LOXL3: variants seen among roughly 807,000 people sequenced by gnomAD.
LOXL3 encodes the protein lysyl oxidase like 3, also known as lysyl oxidase homolog 3.
A neutral mutation model predicts 91.8 loss-of-function variants in LOXL3; 60 were observed. That is an observed-to-expected ratio of 0.65 (90% CI 0.53 to 0.81). LOXL3 has a LOEUF of 0.81. LOXL3 is among the 30% of genes least tolerant of loss of function. The pLI is 0.00. For synonymous variants in LOXL3, 355 were observed against 387.6 expected (o/e 0.92, Z 0.99); for missense variants, 874 against 1,000.4 (o/e 0.87, Z 1.70).
At position 74,534,385 on chromosome 2, in the gene LOXL3, G is replaced by A; in HGVS notation, c.1870C>T (p.Pro624Ser). Reference protein sequence around the residue: ...DIFTHYDILTPNGTKVAEGHK... With the variant: ...DIFTHYDILTSNGTKVAEGHK... Reference sequence around the variant, plus strand: ...CCCTCAGCCACCTTGGTGCCATTTGGGGTGAGGATATCATAGTGAGTGAAG... The same window carrying A: ...CCCTCAGCCACCTTGGTGCCATTTGAGGTGAGGATATCATAGTGAGTGAAG... The change falls in exon 11 of 14, where the codon CCA becomes TCA. Residue 624 changes from proline to serine, a missense_variant. Transcript: ENST00000264094. 6.2e-7 allele frequency: 1 copy of A among 1,614,234 alleles called. No homozygotes were observed. The highest frequency in any genetic ancestry group is 8.5e-7 in the Non-Finnish European group (1 of 1,180,040).
intron 1 of LOXL3, among the ~76,000 whole-genome samples, chr2:74,553,396 G>A (rs1331087223): frequency 3.9e-5 from 6 of 152,184 alleles, no homozygotes; most frequent in African/African-American, 7.2e-5. Context: ...GGCCCAGGAG[G>A]GCCAGGCCTC....
chr2:74,549,468 G>C lies in LOXL3; in HGVS notation c.593C>G (p.Ser198Trp). Residue 198 changes from serine (S) to tryptophan (W), a missense_variant, in exon 4 of 14, where the codon TCG (serine) becomes TGG (tryptophan). Ser to Trp is a radical substitution (Grantham distance 177). Coordinates refer to ENST00000264094, the MANE Select transcript of LOXL3 (RefSeq NM_032603.5). The surrounding 1 kb of genome is among the most constrained non-coding windows in gnomAD (Gnocchi z 5.3). Reference sequence around the variant, plus strand: ...GCTCCAGCCTTTGTCGCACACTTGCGACCAGCCGTCAGGAAGCCTGACTTC... The same window carrying C: ...GCTCCAGCCTTTGTCGCACACTTGCCACCAGCCGTCAGGAAGCCTGACTTC... ...LVEVRLPDGW[S>W]QVCDKGWSAH... 6.2e-7 allele frequency: 1 copy of C among 1,613,126 alleles called. No homozygotes were observed. Among genetic ancestry groups the C allele is most frequent in the Non-Finnish European group, 8.5e-7 (1 of 1,179,744 alleles).
chr2:74,536,856 G>A lies in LOXL3; in HGVS notation c.765C>T (p.Leu255=). ...GATAGAACTCCAGGGAACAGAGGGAGAGGTGGGCCTCCGTGCCCACGCACG... is the reference window on the plus strand; with the variant it reads ...GATAGAACTCCAGGGAACAGAGGGAAAGGTGGGCCTCCGTGCCCACGCACG... ...GVACVGTEAH[L]SLCSLEFYRA... is the part of the protein sequence containing the mutation. The change falls in exon 5 of 14, where the codon CTC becomes CTT. Residue 255 remains leucine, a synonymous_variant. Coordinates refer to ENST00000264094, the MANE Select transcript of LOXL3 (RefSeq NM_032603.5). This position sits in a 1 kb window ranked among gnomAD's most constrained non-coding sequence, Gnocchi z 4.5. The A allele has an allele frequency of 6.2e-7, 1 of 1,614,226 alleles. No homozygotes were observed. Among genetic ancestry groups the A allele is most frequent in the Non-Finnish European group, 8.5e-7 (1 of 1,180,034 alleles).
rs369058623 is a variant in LOXL3, at chr2:74,535,728, G to T, written c.1276C>A (p.His426Asn). Reference protein sequence around the residue: ...RIRLSGGRSQHEGRVEVQIGG... With the variant: ...RIRLSGGRSQNEGRVEVQIGG... ...ATTTGCACCTCGACTCGCCCCTCAT[G>T]TTGGCTGCGGCCCCCACTGAGTCGG... Residue 426 changes from histidine to asparagine, a missense_variant, in exon 8 of 14, where the codon CAT (histidine) becomes AAT (asparagine). Coordinates refer to ENST00000264094, the MANE Select transcript of LOXL3 (RefSeq NM_032603.5). The surrounding 1 kb of genome is among the most constrained non-coding windows in gnomAD (Gnocchi z 4.2). 4.1e-5 allele frequency: 65 copies of T among 1,590,112 alleles called. No homozygotes were observed. The highest frequency in any genetic ancestry group is 1.4e-5 in the African/African-American group (1 of 73,360).
chr2:74,554,552 G>C (rs1677255683), upstream of LOXL3: 1 of 585,330 alleles, frequency 1.7e-6, no homozygotes, highest in Non-Finnish European at 3.0e-6. This position sits in a 1 kb window ranked among gnomAD's most constrained non-coding sequence, Gnocchi z 4.9. Flanking sequence ...CGGCGGGTAG[G>C]GGCCTGGGGT....
intron 1 of LOXL3, chr2:74,552,856 C>A (rs140482525): frequency 5.8e-4 from 309 of 528,754 alleles, no homozygotes; most frequent in Non-Finnish European, 9.7e-4. Flanking sequence ...AGAGGCACAG[C>A]CTGAGAGACC....
intron 4 of LOXL3, among the ~76,000 whole-genome samples, chr2:74,546,078 A>T (rs146689005): frequency 6.6e-6 from 1 of 152,252 alleles, no homozygotes; most frequent in African/African-American, 2.4e-5. Flanking sequence ...AGAGAGCCTT[A>T]ACTCCTCTCT....
At chr2:74,555,527 C>T (rs76586348), upstream of LOXL3, 817 of 1,613,352 alleles carry the variant, frequency 5.1e-4, 6 homozygotes, top group African/African-American at 9.3e-3. The surrounding 1 kb of genome is among the most constrained non-coding windows in gnomAD (Gnocchi z 6.1). Flanking sequence ...GACCGACCCC[C>T]GCTCCCCGCT....
At chr2:74,540,605 GT>G (rs1639781697) in intron 4 of LOXL3, among the ~76,000 whole-genome samples, 1 of 151,792 alleles carries the variant, frequency 6.6e-6, no homozygotes, top group African/African-American at 2.4e-5. Flanking sequence ...ATATGCTGTG[GT>G]CATTCACAAA....
In LOXL3 at chr2:74,532,471, A is replaced by G; in HGVS notation, c.*1135T>C. ...ACATGTTGCACTTTATTGCTAGAAGACAGAAAGTGAGTTGCCATTGTATTT... is the reference window on the plus strand; with the variant it reads ...ACATGTTGCACTTTATTGCTAGAAGGCAGAAAGTGAGTTGCCATTGTATTT... On this transcript the variant is annotated 3_prime_UTR_variant, in exon 14 of 14. Transcript: ENST00000264094. 1 of 702,662 alleles carries G rather than the reference A, an allele frequency of 1.4e-6. No homozygotes were observed. The highest frequency in any genetic ancestry group is 2.6e-6 in the Non-Finnish European group (1 of 387,184). 43.5% of individuals were successfully genotyped at this position (702,662 alleles called of 1,614,324 possible). A position where few individuals can be genotyped will look rare whatever the true frequency, so the allele number is the denominator to read the frequency against.
chr2:74,554,572 C>G, upstream of LOXL3: 1 of 620,190 alleles, frequency 1.6e-6, no homozygotes, highest in Non-Finnish European at 2.8e-6. This position sits in a 1 kb window ranked among gnomAD's most constrained non-coding sequence, Gnocchi z 4.9. Context: ...TGCTGCAGCT[C>G]CCGGCTAATC....
rs1676130159 is a variant in LOXL3 at position 74,538,164 on chromosome 2, A to G, written c.693-1236T>C. On this transcript the variant is annotated intron_variant, in intron 4 of 13. Coordinates refer to ENST00000264094, the MANE Select transcript of LOXL3 (RefSeq NM_032603.5). ...GCTGAAAGTAAAAGTCAAGGAGCCC[A>G]TCACAGGAAAAATACATCTATCTTC... Among the ~76,000 whole-genome samples, 3 of 152,254 alleles carry G rather than the reference A, an allele frequency of 2.0e-5. No individual in the cohort carries two copies. The South Asian group carries it at 6.2e-4, about 31-fold the overall frequency.
At chr2:74,537,558 G>T (rs1243145604) in intron 4 of LOXL3, among the ~76,000 whole-genome samples, 1 of 152,188 alleles carries the variant, frequency 6.6e-6, no homozygotes, top group African/African-American at 2.4e-5. Context: ...ATAAATGCAG[G>T]ACAGGTCAAA....
chr2:74,552,253 C>T (rs1677060795), intron 2 of LOXL3, 69 bp downstream of exon 2: 14 of 1,438,004 alleles, frequency 9.7e-6, no homozygotes, highest in East Asian at 9.2e-5. Context: ...GTGCCATCCT[C>T]GTGTTCCCTT....
rs778136970 is a variant in LOXL3 at position 74,532,935 on chromosome 2, C to T, written c.*671G>A. Reference sequence around the variant, plus strand: ...ATCCCAGTTGGCAGTGCAGATCCGGCGGGGACGAGAAACACTGACCTTATA... The same window carrying T: ...ATCCCAGTTGGCAGTGCAGATCCGGTGGGGACGAGAAACACTGACCTTATA... On this transcript the variant is annotated 3_prime_UTR_variant, in exon 14 of 14. Transcript: ENST00000264094. 6 of 1,613,764 alleles carry T rather than the reference C, an allele frequency of 3.7e-6. No individual in the cohort carries two copies. The highest frequency in any genetic ancestry group is 1.3e-5 in the African/African-American group (1 of 74,864).
chr2:74,554,962 C>T, upstream of LOXL3: 1 of 1,442,954 alleles, frequency 6.9e-7, no homozygotes, highest in Non-Finnish European at 9.5e-7. This position sits in a 1 kb window ranked among gnomAD's most constrained non-coding sequence, Gnocchi z 4.9. Flanking sequence ...TGCACACTCC[C>T]GGGAAGCGTC....
At chr2:74,553,557 C>T (rs563018037) in intron 1 of LOXL3, among the ~76,000 whole-genome samples, 1 of 152,338 alleles carries the variant, frequency 6.6e-6, no homozygotes, top group South Asian at 2.1e-4. Context: ...AGCAAGCCCC[C>T]GTCAACATGC....
At chr2:74,538,651 G>A (rs1676154496) in intron 4 of LOXL3, among the ~76,000 whole-genome samples, 1 of 152,142 alleles carries the variant, frequency 6.6e-6, no homozygotes, top group East Asian at 1.9e-4. Flanking sequence ...CTGCATTCCT[G>A]GTAAAGGTTC....
chr2:74,543,919 A>G (rs183785920), intron 4 of LOXL3, among the ~76,000 whole-genome samples: 2,083 of 147,828 alleles, frequency 0.014, 46 homozygotes, highest in African/African-American at 0.043. Context: ...AAAAAAAAAA[A>G]AAAAGAAAAG....
Sources: gnomAD v4.1 joint callset for allele counts (sites outside exome capture counted in the v4.1 genomes callset) on GRCh38, gnomAD v4.1.1 for gene constraint, Gnocchi (gnomAD v3.1) non-coding constraint, MANE v1.5 for transcripts, NCBI Gene and HGNC (gene_info 2026-07-23, HGNC 2026-07-21) for gene names.